AKR1C1: variants seen among roughly 807,000 people sequenced by gnomAD.
AKR1C1 encodes the protein aldo-keto reductase family 1 member C1.
AKR1C1 carries 32 observed loss-of-function variants against 40.6 expected under a neutral mutation model. That is an observed-to-expected ratio of 0.79 (90% CI 0.60 to 1.06). The LOEUF (loss-of-function observed/expected upper bound fraction) is 1.06, where lower values mean the gene tolerates loss of function less well. AKR1C1 is among the 50% of genes least tolerant of loss of function. AKR1C1 has a pLI of 0.00. For synonymous variants in AKR1C1, 105 were observed against 134.2 expected, an observed-to-expected ratio of 0.78 and a Z score of 1.50; for missense variants, 320 against 363.5, an observed-to-expected ratio of 0.88 and a Z score of 0.97.
rs1167266508 is a variant in AKR1C1, at chr10:4,978,690, A to T, written c.*948A>T. 1 of 152,174 alleles carries T rather than the reference A, an allele frequency of 6.6e-6. No homozygotes were observed. The highest frequency in any genetic ancestry group is 2.4e-5 in the African/African-American group (1 of 41,458). 9.4% of individuals were successfully genotyped at this position (152,174 alleles called of 1,614,324 possible). A position where few individuals can be genotyped will look rare whatever the true frequency, so the allele number is the denominator to read the frequency against. On this transcript the variant is annotated 3_prime_UTR_variant, in exon 9 of 9. Transcript: ENST00000380872. ...ATACATTAAACAGGCATAGTTACAA[A>T]TATAAAACAAAAATATCCCAAAGCC...
Position 4,966,064 on chromosome 10 carries a change from A to C in AKR1C1, c.235A>C (p.Ile79Leu), listed in dbSNP as rs1836328782. Residue 79 changes from isoleucine (I) to leucine (L), a missense_variant, in exon 2 of 9, where the codon ATA becomes CTA. Coordinates refer to ENST00000380872, the MANE Select transcript of AKR1C1 (RefSeq NM_001353.6). ...AGATGGCAGTGTGAAGAGAGAAGACATATTCTACACTTCAAAGGTACTGTG... is the reference window on the plus strand; with the variant it reads ...AGATGGCAGTGTGAAGAGAGAAGACCTATTCTACACTTCAAAGGTACTGTG... ...IADGSVKREDIFYTSKLWCNS... is the reference protein window; with the variant it reads ...IADGSVKREDLFYTSKLWCNS... 1 of 1,613,698 alleles carries C rather than the reference A, an allele frequency of 6.2e-7. No homozygotes were observed. The highest frequency in any genetic ancestry group is 1.3e-5 in the African/African-American group (1 of 74,924).
At chr10:4,970,348 T>C (rs1208855834) in intron 5 of AKR1C1, among the ~76,000 whole-genome samples, 1 of 152,248 alleles carries the variant, frequency 6.6e-6, no homozygotes, top group Non-Finnish European at 1.5e-5. Flanking sequence ...TGTTTTTATA[T>C]TGTTGTATTT....
intron 2 of AKR1C1, among the ~76,000 whole-genome samples, chr10:4,966,479 A>T (rs1255709191): frequency 6.6e-6 from 1 of 152,232 alleles, no homozygotes; most frequent in African/African-American, 2.4e-5. Flanking sequence ...CTCTGTGAGT[A>T]TTAAAGAATA....
intron 7 of AKR1C1, among the ~76,000 whole-genome samples, 156 bp downstream of exon 7, chr10:4,972,905 T>C (rs547094703): frequency 6.6e-6 from 1 of 152,392 alleles, no homozygotes; most frequent in Non-Finnish European, 1.5e-5. Flanking sequence ...TCTTCTACTC[T>C]AGCACAGGAG....
At chr10:4,974,935 T>C (rs1554770307) in intron 7 of AKR1C1, among the ~76,000 whole-genome samples, 1 of 152,108 alleles carries the variant, frequency 6.6e-6, no homozygotes, top group Non-Finnish European at 1.5e-5. Flanking sequence ...AGCAAATAAA[T>C]GTTTAGTCTC....
intron 1 of AKR1C1, 116 bp downstream of exon 1, chr10:4,963,644 G>GT (rs1202909886): frequency 1.1e-6 from 1 of 943,852 alleles, no homozygotes; most frequent in Non-Finnish European, 1.7e-6. Context: ...TTAAACGTCA[G>GT]TCTTTGTTCT....
rs1440511881 is a variant in AKR1C1 at position 4,975,890 on chromosome 10, A to G, written c.886A>G (p.Ile296Val). The G allele has an allele frequency of 1.9e-6, 1 of 535,356 alleles. No homozygotes were observed. Among genetic ancestry groups the G allele is most frequent in the Non-Finnish European group, 3.3e-6 (1 of 307,434 alleles). The allele number at this position is 535,356 out of a possible 1,614,324, so 33.2% of individuals were successfully genotyped here. A position where few individuals can be genotyped will look rare whatever the true frequency, so the allele number is the denominator to read the frequency against. The change falls in exon 8 of 9, where the codon ATA becomes GTA. Residue 296 changes from isoleucine to valine, a missense_variant. By Grantham distance (29) the Ile-to-Val change is conservative (BLOSUM62 3). This residue lies in a region of AKR1C1 where 29 missense variants were observed against 23.4 expected (regional missense o/e 1.24). Coordinates refer to ENST00000380872, the MANE Select transcript of AKR1C1 (RefSeq NM_001353.6). ...GTTGACTTCAGAGGAGATGAAAGCCATAGATGGCCTAAACAGAAATGTGCG... is the reference window on the plus strand; with the variant it reads ...GTTGACTTCAGAGGAGATGAAAGCCGTAGATGGCCTAAACAGAAATGTGCG... ...FQLTSEEMKA[I>V]DGLNRNVRYL...
At chr10:4,971,048 C>T (rs1836418702) in intron 5 of AKR1C1, among the ~76,000 whole-genome samples, 1 of 151,680 alleles carries the variant, frequency 6.6e-6, no homozygotes, top group African/African-American at 2.4e-5. Flanking sequence ...TAGTAATCTG[C>T]TGGGGGATAA....
chr10:4,967,553 G>C, intron 3 of AKR1C1: 3 of 952,996 alleles, frequency 3.1e-6, no homozygotes, highest in Non-Finnish European at 3.7e-6. Flanking sequence ...TTTTTGCTTA[G>C]CCATGAATTC....
intron 8 of AKR1C1, among the ~76,000 whole-genome samples, chr10:4,977,497 A>G (rs1282891092): frequency 6.4e-4 from 97 of 152,242 alleles, no homozygotes; most frequent in African/African-American, 2.2e-3. Flanking sequence ...CAGGCAGGGG[A>G]ATAGAATTAA....
At chr10:4,969,833 C>A in intron 5 of AKR1C1, 1 of 1,288,588 alleles carries the variant, frequency 7.8e-7, no homozygotes, top group Non-Finnish European at 1.1e-6. Flanking sequence ...TGTTTTAAAA[C>A]TTAGAGTCAA....
chr10:4,972,035 G>A lies in AKR1C1; in HGVS notation c.571-166G>A, dbSNP rs564610613. ...AGAAATAGCATTTCTATTTTCTTAG[G>A]AGAGAGGGGCATAAAATTTATTTTT... On this transcript the variant is annotated intron_variant, in intron 5 of 8. Transcript: ENST00000380872. Among the ~76,000 whole-genome samples, 215 of 151,464 alleles carry A rather than the reference G, an allele frequency of 1.4e-3. 1 individual carries two copies. The highest frequency in any genetic ancestry group is 5.1e-3 in the African/African-American group (211 of 41,096).
intron 4 of AKR1C1, 99 bp from the exon 5 acceptor site, chr10:4,968,723 G>A: frequency 6.4e-7 from 1 of 1,570,362 alleles, no homozygotes; most frequent in Non-Finnish European, 8.7e-7. Flanking sequence ...AAGAACCACG[G>A]CTAGCTAGTT....
At chr10:4,968,648 C>G (rs1026054697) in intron 4 of AKR1C1, among the ~76,000 whole-genome samples, 174 bp from the exon 5 acceptor site, 2 of 152,334 alleles carry the variant, frequency 1.3e-5, no homozygotes, top group East Asian at 3.9e-4. Context: ...AAGGAGGAAA[C>G]AGAAATACTT....
In AKR1C1 at chr10:4,982,808, A is replaced by G. The variant is rs1836640526; in HGVS notation, c.*5066A>G. On this transcript the variant is annotated 3_prime_UTR_variant, in exon 9 of 9. Coordinates refer to ENST00000380872, the MANE Select transcript of AKR1C1 (RefSeq NM_001353.6). Reference sequence around the variant, plus strand: ...GCACAGTCCACACAGCACCTCAAGGAAGAATAAATAGAACTGTTCCCAGGA... The same window carrying G: ...GCACAGTCCACACAGCACCTCAAGGGAGAATAAATAGAACTGTTCCCAGGA... The G allele has an allele frequency of 8.7e-6, 3 of 343,384 alleles. No homozygotes were observed. The allele number at this position is 343,384 out of a possible 1,614,324, so 21.3% of individuals were successfully genotyped here.
chr10:4,971,429 T>C (rs1329080660), intron 5 of AKR1C1, among the ~76,000 whole-genome samples: 4 of 150,756 alleles, frequency 2.7e-5, no homozygotes, highest in African/African-American at 7.3e-5. Context: ...TACTACAGAC[T>C]CACGGATTCT....
chr10:4,966,989 T>A lies in AKR1C1; in HGVS notation c.315T>A (p.Asn105Lys). 2.5e-6 allele frequency: 4 copies of A among 1,613,916 alleles called. No individual in the cohort carries two copies. The Admixed American group carries it at 6.7e-5, about 27-fold the overall frequency. ...VRPALERSLK[N>K]LQLDYVDLYL... ...CAGCCTTGGAAAGGTCACTGAAAAATCTTCAATTGGATTATGTTGACCTCT... is the reference window on the plus strand; with the variant it reads ...CAGCCTTGGAAAGGTCACTGAAAAAACTTCAATTGGATTATGTTGACCTCT... The change falls in exon 3 of 9, where the codon AAT becomes AAA. Residue 105 changes from asparagine (N) to lysine (K), a missense_variant. By Grantham distance (94) the Asn-to-Lys change is moderately conservative (BLOSUM62 0). Coordinates refer to ENST00000380872, the MANE Select transcript of AKR1C1 (RefSeq NM_001353.6).
At position 4,966,086 on chromosome 10, in the gene AKR1C1, T is replaced by G. The variant is rs567399421; in HGVS notation, c.252+5T>G. The G allele has an allele frequency of 6.2e-6, 10 of 1,611,092 alleles. No homozygotes were observed. Among genetic ancestry groups the G allele is most frequent in the African/African-American group, 1.3e-5 (1 of 74,854 alleles). On this transcript the variant is annotated splice_donor_5th_base_variant and intron_variant, in intron 2 of 8. Coordinates refer to ENST00000380872, the MANE Select transcript of AKR1C1 (RefSeq NM_001353.6). The stretch of plus-strand genomic sequence containing the variant: ...GACATATTCTACACTTCAAAGGTAC[T>G]GTGCCTATGATGAGCTTGTGTGCAC...
intron 8 of AKR1C1, among the ~76,000 whole-genome samples, chr10:4,976,742 C>A (rs1554770487): frequency 6.6e-6 from 1 of 151,976 alleles, no homozygotes; most frequent in Non-Finnish European, 1.5e-5. Flanking sequence ...TATGTAACTG[C>A]TGGCAGTAGG....
Sources: allele counts gnomAD v4.1 joint callset (sites outside exome capture counted in the v4.1 genomes callset), GRCh38; gene constraint gnomAD v4.1.1; regional missense constraint gnomAD v4.1.1; transcripts MANE v1.5; gene names NCBI Gene and HGNC (gene_info 2026-07-23, HGNC 2026-07-21).